The following PHACTR1 variants were observed in gnomAD, a reference collection of about 807,000 sequenced individuals.
PHACTR1 encodes phosphatase and actin regulator 1, also known as RPEL repeat containing 1.
Under a neutral mutation model 69.2 loss-of-function variants are expected in PHACTR1, and 16 were observed. The ratio of observed to expected loss-of-function variants is 0.23; its 90% CI spans 0.16 to 0.35. PHACTR1 has a LOEUF of 0.35. Among genes scored for constraint, PHACTR1 ranks in the 10% least tolerant of loss-of-function variants. The pLI is 1.00. For synonymous variants in PHACTR1, 312 were observed against 284.5 expected (o/e 1.10, Z -0.97); for missense variants, 510 against 734.7 (o/e 0.69, Z 3.54).
chr6:13,138,795 A>G (rs1821950947), intron 5 of PHACTR1, among the ~76,000 whole-genome samples: 2 of 152,196 alleles, frequency 1.3e-5, no homozygotes, highest in South Asian at 2.1e-4. Flanking sequence ...CTTCGATTGT[A>G]TGTTCATGAG....
chr6:13,215,189 C>A (rs567981953), intron 8 of PHACTR1, among the ~76,000 whole-genome samples: 33 of 152,358 alleles, frequency 2.2e-4, no homozygotes, highest in African/African-American at 6.7e-4. Context: ...CTAGACCAGG[C>A]TCCGTGCTTG....
intron 5 of PHACTR1, among the ~76,000 whole-genome samples, chr6:13,159,766 C>G (rs374510775): frequency 8.6e-4 from 131 of 152,224 alleles, no homozygotes; most frequent in African/African-American, 3.0e-3. Flanking sequence ...ACCATGAAAC[C>G]CCGTCTCTAC....
At chr6:13,197,030 C>T (rs1366744940) in intron 7 of PHACTR1, among the ~76,000 whole-genome samples, 1 of 152,200 alleles carries the variant, frequency 6.6e-6, no homozygotes, top group Non-Finnish European at 1.5e-5. Flanking sequence ...GTGGTGAAAG[C>T]CCTATTAGCA....
At chr6:12,789,622 A>C (rs967013155) in intron 4 of PHACTR1, among the ~76,000 whole-genome samples, 2 of 151,186 alleles carry the variant, frequency 1.3e-5, no homozygotes, top group Non-Finnish European at 2.9e-5. Context: ...CCTAACCTGG[A>C]CTCTTCATTC....
At chr6:13,249,818 A>AAG (rs1210395076) in intron 10 of PHACTR1, among the ~76,000 whole-genome samples, 1 of 150,840 alleles carries the variant, frequency 6.6e-6, no homozygotes, top group Admixed American at 6.6e-5. Context: ...AAAAAAAAAA[A>AAG]GTATGGTGAC....
At chr6:12,871,426 T>C (rs1782016723) in intron 4 of PHACTR1, among the ~76,000 whole-genome samples, 1 of 152,212 alleles carries the variant, frequency 6.6e-6, no homozygotes, top group South Asian at 2.1e-4. Context: ...GTTTGACTTA[T>C]AAGCTTTTTA....
At chr6:13,126,055 T>C (rs931057801) in intron 5 of PHACTR1, among the ~76,000 whole-genome samples, 4 of 152,254 alleles carry the variant, frequency 2.6e-5, no homozygotes, top group African/African-American at 9.6e-5. Context: ...AAGAATTTAA[T>C]AATATTTAAA....
At chr6:13,192,928 C>T (rs1396377331) in intron 7 of PHACTR1, among the ~76,000 whole-genome samples, 1 of 152,138 alleles carries the variant, frequency 6.6e-6, no homozygotes, top group Non-Finnish European at 1.5e-5. Flanking sequence ...GCAAAATGTT[C>T]TCCAGTTCTA....
At chr6:12,984,394 G>C (rs993603919) in intron 4 of PHACTR1, among the ~76,000 whole-genome samples, 1 of 152,200 alleles carries the variant, frequency 6.6e-6, no homozygotes, top group Non-Finnish European at 1.5e-5. Context: ...GGCGATGTGA[G>C]ATAATTTAAT....
At chr6:12,950,219 A>G (rs1791129647) in intron 4 of PHACTR1, among the ~76,000 whole-genome samples, 1 of 152,222 alleles carries the variant, frequency 6.6e-6, no homozygotes, top group South Asian at 2.1e-4. Context: ...TGGTCCCTCC[A>G]TGCAGGCTAA....
chr6:13,253,090 C>T (rs1383557732), intron 10 of PHACTR1: 2 of 452,908 alleles, frequency 4.4e-6, no homozygotes, highest in Admixed American at 2.4e-5. Flanking sequence ...ATCGGGATTC[C>T]TGCCACCCGT....
intron 4 of PHACTR1, among the ~76,000 whole-genome samples, chr6:12,764,966 T>C (rs1671274426): frequency 6.6e-6 from 1 of 152,134 alleles, no homozygotes; most frequent in Non-Finnish European, 1.5e-5. Flanking sequence ...TCTGACACTG[T>C]TGGGCAATTG....
At chr6:13,090,503 T>C (rs1015855704) in intron 5 of PHACTR1, among the ~76,000 whole-genome samples, 2 of 152,058 alleles carry the variant, frequency 1.3e-5, no homozygotes, top group Non-Finnish European at 1.5e-5. Flanking sequence ...TTTTTGTATG[T>C]TTAGTAGAGA....
chr6:13,133,245 T>TCCCCACAGTC (rs1561876517), intron 5 of PHACTR1, among the ~76,000 whole-genome samples: 2 of 54,956 alleles, frequency 3.6e-5, no homozygotes, highest in African/African-American at 1.8e-4. Context: ...CCCTCTCCCT[T>TCCCCACAGTC]TCCCTCTCCC....
chr6:12,900,529 C>T (rs1180477285), intron 4 of PHACTR1, among the ~76,000 whole-genome samples: 2 of 152,074 alleles, frequency 1.3e-5, no homozygotes, highest in Non-Finnish European at 2.9e-5. Context: ...CCTGTCTCTA[C>T]AAAAAATACA....
intron 8 of PHACTR1, among the ~76,000 whole-genome samples, chr6:13,213,322 A>G (rs1198899311): frequency 5.9e-5 from 9 of 152,154 alleles, no homozygotes; most frequent in Non-Finnish European, 1.2e-4. Context: ...ACTCTCTTAC[A>G]TCCTGTCCTC....
chr6:12,833,360 G>T (rs914917562), intron 4 of PHACTR1, among the ~76,000 whole-genome samples: 4 of 151,682 alleles, frequency 2.6e-5, no homozygotes, highest in African/African-American at 9.7e-5. Context: ...CCAGGTTCAC[G>T]CCATTCTCCT....
intron 3 of PHACTR1, among the ~76,000 whole-genome samples, chr6:12,734,521 C>T (rs1763990137): frequency 6.6e-6 from 1 of 152,142 alleles, no homozygotes; most frequent in Admixed American, 6.5e-5. Context: ...TTAAGTATGT[C>T]ATTTGGACAC....
chr6:13,078,262 C>T (rs2127790188), intron 5 of PHACTR1, among the ~76,000 whole-genome samples: 1 of 152,298 alleles, frequency 6.6e-6, no homozygotes, highest in East Asian at 1.9e-4. Flanking sequence ...CTTGTAGAAG[C>T]ATCACCCTGA....
Sources: allele counts gnomAD v4.1 joint callset (sites outside exome capture counted in the v4.1 genomes callset), GRCh38; gene constraint gnomAD v4.1.1; transcripts MANE v1.5; gene names NCBI Gene and HGNC (gene_info 2026-07-23, HGNC 2026-07-21).